GRID2: variants seen among roughly 807,000 people sequenced by gnomAD.
GRID2 encodes glutamate ionotropic receptor delta type subunit 2.
A neutral mutation model predicts 114.8 loss-of-function variants in GRID2; 33 were observed. The ratio of observed to expected loss-of-function variants is 0.29; its 90% CI spans 0.22 to 0.38. GRID2 has a LOEUF of 0.38. Ranked by LOEUF, GRID2 falls within the 10% of genes least tolerant of loss-of-function variation. The pLI, the probability that GRID2 is intolerant of heterozygous loss-of-function variation, is 1.00. For missense variants in GRID2, 1,184 were observed against 1,257.7 expected (o/e 0.94, Z 0.89); for synonymous variants, 505 against 449.9 (o/e 1.12, Z -1.55).
chr4:93,132,987 C>G (rs1734939794), intron 4 of GRID2, among the ~76,000 whole-genome samples: 1 of 152,168 alleles, frequency 6.6e-6, no homozygotes, highest in Admixed American at 6.5e-5. Flanking sequence ...GTTCACTTCT[C>G]TGTTAAGCAA....
At chr4:93,429,324 A>G (rs913130552) in intron 10 of GRID2, among the ~76,000 whole-genome samples, 20 of 152,328 alleles carry the variant, frequency 1.3e-4, no homozygotes, top group Admixed American at 1.2e-3. Context: ...AAAACAGGTA[A>G]TGATCAGTAC....
intron 13 of GRID2, among the ~76,000 whole-genome samples, chr4:93,585,626 C>T (rs532698043): frequency 6.6e-6 from 1 of 152,002 alleles, no homozygotes; most frequent in South Asian, 2.1e-4. Flanking sequence ...ATTCTTCCAC[C>T]CCAGCTTCTC....
intron 1 of GRID2, among the ~76,000 whole-genome samples, chr4:93,792,889 C>A (rs964394516): frequency 2.0e-5 from 3 of 152,152 alleles, no homozygotes; most frequent in African/African-American, 7.2e-5. Flanking sequence ...GAGGTCCCAC[C>A]TATTCCTTTA....
At chr4:92,696,240 GAGCATAATATGGGGAATAATA>G (rs1321084178) in intron 2 of GRID2, among the ~76,000 whole-genome samples, 1 of 151,992 alleles carries the variant, frequency 6.6e-6, no homozygotes, top group African/African-American at 2.4e-5. Context: ...CAGAGCCTTG[GAGCATAATATGGGGAATAATA>G]AGACACAGAG....
intron 10 of GRID2, among the ~76,000 whole-genome samples, chr4:93,448,563 T>C (rs1319523937): frequency 6.6e-6 from 1 of 151,986 alleles, no homozygotes; most frequent in East Asian, 2.0e-4. Context: ...TCCATTTAAG[T>C]ACTTTATTAC....
intron 11 of GRID2, among the ~76,000 whole-genome samples, chr4:93,471,730 TGCTC>T (rs1724843847): frequency 7.3e-6 from 1 of 137,706 alleles, no homozygotes. Flanking sequence ...ACGGAGTTTT[TGCTC>T]TTGTTGCCCA....
chr4:92,685,299 C>T (rs1250152637), intron 2 of GRID2, among the ~76,000 whole-genome samples: 3 of 151,978 alleles, frequency 2.0e-5, no homozygotes, highest in Non-Finnish European at 4.4e-5. Flanking sequence ...AGTCTTGATG[C>T]TCTTAGGAAT....
At chr4:92,577,097 C>T (rs990287323) in intron 1 of GRID2, among the ~76,000 whole-genome samples, 21 of 152,180 alleles carry the variant, frequency 1.4e-4, no homozygotes, top group African/African-American at 5.1e-4. Flanking sequence ...CGAAAGGGAA[C>T]CATTGATTTA....
intron 2 of GRID2, among the ~76,000 whole-genome samples, chr4:92,800,647 CAA>C (rs1406009619): frequency 1.3e-5 from 2 of 151,778 alleles, no homozygotes; most frequent in Non-Finnish European, 2.9e-5. Context: ...CATTCAGAAA[CAA>C]AGTGTAAAGC....
At chr4:92,751,482 T>C (rs1023140848) in intron 2 of GRID2, among the ~76,000 whole-genome samples, 1 of 152,200 alleles carries the variant, frequency 6.6e-6, no homozygotes, top group African/African-American at 2.4e-5. Flanking sequence ...GGCTGTTTGA[T>C]TTACAAAATA....
chr4:93,379,669 G>A (rs1763679443), intron 8 of GRID2, among the ~76,000 whole-genome samples: 1 of 152,072 alleles, frequency 6.6e-6, no homozygotes, highest in South Asian at 2.1e-4. Flanking sequence ...CAAAAGTGCT[G>A]GAGATATGGT....
chr4:92,347,191 G>A (rs529422629), intron 1 of GRID2, among the ~76,000 whole-genome samples: 1 of 152,152 alleles, frequency 6.6e-6, no homozygotes, highest in Non-Finnish European at 1.5e-5. Flanking sequence ...AAAAATTGTG[G>A]CCAAAGAATG....
intron 12 of GRID2, among the ~76,000 whole-genome samples, chr4:93,496,280 A>G (rs191781365): frequency 1.3e-3 from 194 of 151,890 alleles, no homozygotes; most frequent in African/African-American, 4.6e-3. Context: ...TATTATATAT[A>G]CACAGGAAGT....
At chr4:92,519,618 T>G (rs949576481) in intron 1 of GRID2, among the ~76,000 whole-genome samples, 7 of 150,744 alleles carry the variant, frequency 4.6e-5, no homozygotes, top group Admixed American at 4.0e-4. Context: ...TATATATGTA[T>G]GTATATATAA....
intron 2 of GRID2, among the ~76,000 whole-genome samples, chr4:92,644,861 A>G (rs961661447): frequency 6.6e-6 from 1 of 151,520 alleles, no homozygotes; most frequent in Non-Finnish European, 1.5e-5. Context: ...TACATAGTAA[A>G]ATATTTATGA....
intron 2 of GRID2, among the ~76,000 whole-genome samples, chr4:92,650,582 T>C (rs1230524614): frequency 6.6e-6 from 1 of 151,994 alleles, no homozygotes; most frequent in Non-Finnish European, 1.5e-5. Flanking sequence ...TTGATTCAGA[T>C]ACATGAGAAG....
chr4:92,972,097 T>G (rs1753554180), intron 2 of GRID2, among the ~76,000 whole-genome samples: 1 of 151,346 alleles, frequency 6.6e-6, no homozygotes, highest in Admixed American at 6.6e-5. Context: ...CTACTTTTAG[T>G]TTTTTTTTCT....
intron 1 of GRID2, among the ~76,000 whole-genome samples, chr4:92,529,943 G>A (rs1347482122): frequency 6.6e-6 from 1 of 152,056 alleles, no homozygotes; most frequent in Non-Finnish European, 1.5e-5. Flanking sequence ...TGGGTGAGAA[G>A]AGGAAGAATT....
At chr4:92,857,562 T>C (rs1002657677) in intron 2 of GRID2, among the ~76,000 whole-genome samples, 2 of 152,122 alleles carry the variant, frequency 1.3e-5, no homozygotes, top group Non-Finnish European at 2.9e-5. Flanking sequence ...ATTTTATGAA[T>C]GTGAAAGAGG....
Sources: allele counts gnomAD v4.1 joint callset (sites outside exome capture counted in the v4.1 genomes callset), GRCh38; gene constraint gnomAD v4.1.1; transcripts MANE v1.5; gene names NCBI Gene and HGNC (gene_info 2026-07-23, HGNC 2026-07-21).